FCMR: variants seen among roughly 807,000 people sequenced by gnomAD.
FCMR encodes the protein immunoglobulin mu Fc receptor.
Under a neutral mutation model 41.6 loss-of-function variants are expected in FCMR, and 34 were observed. The observed-to-expected ratio is 0.82, with a 90% CI of 0.62 to 1.09. The LOEUF is 1.09. Ranked by LOEUF, FCMR falls within the 50% of genes least tolerant of loss-of-function variation. The probability of loss-of-function intolerance (pLI) is 0.00; values close to 1 mark genes in which losing one functional copy is unlikely to be tolerated. For missense variants in FCMR, 496 were observed against 512.5 expected (o/e 0.97, Z 0.31); for synonymous variants, 209 against 211.8 (o/e 0.99, Z 0.12).
intron 2 of FCMR, among the ~76,000 whole-genome samples, chr1:206,913,255 T>A (rs1273892697): frequency 1.3e-5 from 2 of 151,978 alleles, no homozygotes; most frequent in Non-Finnish European, 2.9e-5. Context: ...CCAGCAGAGG[T>A]CATTGGGATT....
Position 206,909,419 on chromosome 1 carries a change from C to T in FCMR, c.1044+43G>A, listed in dbSNP as rs2102549580. 1 of 1,187,482 alleles carries T rather than the reference C, an allele frequency of 8.4e-7. No homozygotes were observed. Among genetic ancestry groups the T allele is most frequent in the Non-Finnish European group, 1.1e-6 (1 of 945,542 alleles). 73.6% of individuals were successfully genotyped at this position (1,187,482 alleles called of 1,614,324 possible). A position where few individuals can be genotyped will look rare whatever the true frequency, so the allele number is the denominator to read the frequency against. On this transcript the variant is annotated intron_variant, in intron 7 of 7. Transcript: ENST00000367091. The surrounding 1 kb of genome is among the most constrained non-coding windows in gnomAD (Gnocchi z 5.0). The stretch of plus-strand genomic sequence containing the variant: ...GTCCCCGCCCAGGGCTGGGGCCGCC[C>T]AGTCGGGCCGCGGCTGCCAATCAGG...
Position 206,904,887 on chromosome 1 carries a change from G to T in FCMR, c.*132C>A, listed in dbSNP as rs1678554299. On this transcript the variant is annotated 3_prime_UTR_variant, in exon 8 of 8. Transcript: ENST00000367091. ...CTCAGGGCACAGATAGATGGGGATG[G>T]GAGTCGAGATGGGGCATGGGAAGTG... The T allele has an allele frequency of 1.0e-6, 1 of 965,930 alleles. No individual in the cohort carries two copies. The highest frequency in any genetic ancestry group is 1.5e-5 in the South Asian group (1 of 68,502). The allele number at this position is 965,930 out of a possible 1,614,324, so 59.8% of individuals were successfully genotyped here. A position where few individuals can be genotyped will look rare whatever the true frequency, so the allele number is the denominator to read the frequency against.
At chr1:206,914,658 C>T (rs1215595182) in intron 1 of FCMR, among the ~76,000 whole-genome samples, 1 of 152,018 alleles carries the variant, frequency 6.6e-6, no homozygotes, top group South Asian at 2.1e-4. Flanking sequence ...TTCTCGAACT[C>T]ATGGCCTCAA....
intron 2 of FCMR, 81 bp downstream of exon 2, chr1:206,913,678 T>A: frequency 9.0e-7 from 1 of 1,108,678 alleles, no homozygotes; most frequent in Non-Finnish European, 1.4e-6. Context: ...AGGAGACTGT[T>A]ACAGTTAGAT....
In FCMR at chr1:206,903,342, T is replaced by C. The variant is rs1678473972; in HGVS notation, c.*1677A>G. 8.6e-6 allele frequency: 3 copies of C among 350,156 alleles called. No homozygotes were observed. The highest frequency in any genetic ancestry group is 7.3e-5 in the South Asian group (2 of 27,232). 21.7% of individuals were successfully genotyped at this position (350,156 alleles called of 1,614,324 possible). ...TTTCAACTGAAGTTCTATTTATTTG[T>C]GAGACTGTAAGTTACATGAAGGCAG... On this transcript the variant is annotated 3_prime_UTR_variant, in exon 8 of 8. Transcript: ENST00000367091.
Position 206,909,607 on chromosome 1 carries a change from A to C in FCMR, c.986-87T>G, listed in dbSNP as rs539473682. 9.7e-6 allele frequency: 12 copies of C among 1,235,370 alleles called. No homozygotes were observed. The South Asian group carries it at 1.6e-4, about 16-fold the overall frequency. The allele number at this position is 1,235,370 out of a possible 1,614,324, so 76.5% of individuals were successfully genotyped here. A position where few individuals can be genotyped will look rare whatever the true frequency, so the allele number is the denominator to read the frequency against. On this transcript the variant is annotated intron_variant, in intron 6 of 7. Transcript: ENST00000367091. This position sits in a 1 kb window ranked among gnomAD's most constrained non-coding sequence, Gnocchi z 5.0. ...CTACTCCCAGCTCCACCCCCGCCCC[A>C]CTCCCAGCTCCACCCTGTGGGAAGC...
Position 206,908,754 on chromosome 1 carries a change from C to T in FCMR, c.1044+708G>A, listed in dbSNP as rs183448991. 9.9e-5 allele frequency among the ~76,000 whole-genome samples: 15 copies of T among 152,000 alleles called. No homozygotes were observed. The East Asian group carries it at 2.7e-3, about 27-fold the overall frequency. On this transcript the variant is annotated intron_variant, in intron 7 of 7. Transcript: ENST00000367091. ...AAAAAAACAGGGATTTTTACCACAC[C>T]CTTTTAAAAAAAGCTTTATTCTGGG... is the stretch of plus-strand genomic sequence containing the variant.
intron 1 of FCMR, chr1:206,917,711 C>CCACTTCCT: frequency 2.3e-6 from 1 of 426,008 alleles, no homozygotes; most frequent in Non-Finnish European, 4.6e-6. Flanking sequence ...ACTGCAGCCT[C>CCACTTCCT]CACTTCCTGG....
chr1:206,917,757 G>A (rs1679252580), intron 1 of FCMR: 1 of 450,768 alleles, frequency 2.2e-6, no homozygotes, highest in Admixed American at 2.4e-5. Flanking sequence ...CTCCTGAATA[G>A]CTGAGATCAC....
intron 7 of FCMR, 87 bp from the exon 8 acceptor site, chr1:206,905,234 C>T (rs1678576011): frequency 6.8e-7 from 1 of 1,465,894 alleles, no homozygotes; most frequent in Non-Finnish European, 9.4e-7. Context: ...GGCAATGGGG[C>T]ATGGACATGG....
rs367639865 is a variant in FCMR, at chr1:206,907,347, C to T, written c.1044+2115G>A. 3.0e-3 allele frequency among the ~76,000 whole-genome samples: 464 copies of T among 152,308 alleles called. 3 individuals carry two copies. Among genetic ancestry groups the T allele is most frequent in the African/African-American group, 0.011 (437 of 41,566 alleles). The stretch of plus-strand genomic sequence containing the variant: ...TCTTCCTCCCTCCTGTAAGCTGGGA[C>T]GTGCACACGGTCCTGGTGCCTGTGT... On this transcript the variant is annotated intron_variant, in intron 7 of 7. Transcript: ENST00000367091.
rs1678522725 is a variant in FCMR at position 206,904,297 on chromosome 1, C to CA, written c.*721_*722insT. On this transcript the variant is annotated 3_prime_UTR_variant, in exon 8 of 8. Transcript: ENST00000367091. Reference sequence around the variant, plus strand: ...GCTATGGAAGAAAGATAAAGAGATACTTTTTTTTTTTTTTTTTTAGAGGGG... The same window carrying CA: ...GCTATGGAAGAAAGATAAAGAGATACATTTTTTTTTTTTTTTTTTAGAGGGG... 7.2e-6 allele frequency: 1 copy of CA among 138,172 alleles called. No homozygotes were observed. The highest frequency in any genetic ancestry group is 7.3e-5 in the Admixed American group (1 of 13,762). 8.6% of individuals were successfully genotyped at this position (138,172 alleles called of 1,614,324 possible).
upstream of FCMR, chr1:206,921,959 T>C: frequency 2.0e-6 from 2 of 1,017,196 alleles, no homozygotes; most frequent in South Asian, 2.7e-5. Context: ...GAAAGAGATT[T>C]CTAGCCCCCA....
chr1:206,909,684 C>G lies in FCMR; in HGVS notation c.985+41G>C. The stretch of plus-strand genomic sequence containing the variant: ...GCGCCCGGCTTTCCCGGAGCCAGCG[C>G]ACTCTTTCCGCTACTCCCCGTGGCC... On this transcript the variant is annotated intron_variant, in intron 6 of 7. Coordinates refer to ENST00000367091, the MANE Select transcript of FCMR (RefSeq NM_005449.5). The surrounding 1 kb of genome is among the most constrained non-coding windows in gnomAD (Gnocchi z 5.0). 1.5e-6 allele frequency: 2 copies of G among 1,378,546 alleles called. No individual in the cohort carries two copies. The highest frequency in any genetic ancestry group is 1.7e-5 in the South Asian group (1 of 59,486). 85.4% of individuals were successfully genotyped at this position (1,378,546 alleles called of 1,614,324 possible). A position where few individuals can be genotyped will look rare whatever the true frequency, so the allele number is the denominator to read the frequency against.
intron 7 of FCMR, chr1:206,908,042 C>T (rs1420492340): frequency 1.6e-6 from 2 of 1,225,622 alleles, no homozygotes; most frequent in East Asian, 2.4e-5. Context: ...GAGCGCCTGG[C>T]TCACGATGGT....
chr1:206,909,597 C>T lies in FCMR; in HGVS notation c.986-77G>A. The T allele has an allele frequency of 7.9e-7, 1 of 1,270,870 alleles. No individual in the cohort carries two copies. The highest frequency in any genetic ancestry group is 2.2e-4 in the Middle Eastern group (1 of 4,602). The allele number at this position is 1,270,870 out of a possible 1,614,324, so 78.7% of individuals were successfully genotyped here. A position where few individuals can be genotyped will look rare whatever the true frequency, so the allele number is the denominator to read the frequency against. On this transcript the variant is annotated intron_variant, in intron 6 of 7. Transcript: ENST00000367091. The surrounding 1 kb of genome is among the most constrained non-coding windows in gnomAD (Gnocchi z 5.0). ...CGTCATGCTACTACTCCCAGCTCCA[C>T]CCCCGCCCCACTCCCAGCTCCACCC...
In FCMR at chr1:206,905,014, A is replaced by G. The variant is rs199514439; in HGVS notation, c.*5T>C. On this transcript the variant is annotated 3_prime_UTR_variant, in exon 8 of 8. Transcript: ENST00000367091. The stretch of plus-strand genomic sequence containing the variant: ...GCCTGGGGTTGGGGGATAGCTGGGG[A>G]GTTGTCAGGCAGGAACATTGATGTA... 5.4e-5 allele frequency: 87 copies of G among 1,613,668 alleles called. No homozygotes were observed. Among genetic ancestry groups the G allele is most frequent in the Middle Eastern group, 1.7e-4 (1 of 5,940 alleles).
rs562626124 is a variant in FCMR at position 206,905,485 on chromosome 1, A to G, written c.1045-338T>C. On this transcript the variant is annotated intron_variant, in intron 7 of 7. Transcript: ENST00000367091. The stretch of plus-strand genomic sequence containing the variant: ...GCTGTGACTTATGGCATAAATATGC[A>G]TCTTCTTAGGGAGTTATTCAGAAGT... Among the ~76,000 whole-genome samples the G allele has an allele frequency of 2.6e-5, 4 of 152,314 alleles. No homozygotes were observed. In the South Asian group the frequency reaches 6.2e-4, roughly 24 times the overall value.
At position 206,909,578 on chromosome 1, in the gene FCMR, G is replaced by T. The variant is rs1202875526; in HGVS notation, c.986-58C>A. ...GCCGAGGCTCCCGCCCCACCGTCAT[G>T]CTACTACTCCCAGCTCCACCCCCGC... On this transcript the variant is annotated intron_variant, in intron 6 of 7. Transcript: ENST00000367091. The surrounding 1 kb of genome is among the most constrained non-coding windows in gnomAD (Gnocchi z 5.0). 1.3e-5 allele frequency: 16 copies of T among 1,275,438 alleles called. No individual in the cohort carries two copies. Among genetic ancestry groups the T allele is most frequent in the Non-Finnish European group, 1.4e-5 (14 of 994,628 alleles). The allele number at this position is 1,275,438 out of a possible 1,614,324, so 79.0% of individuals were successfully genotyped here. A position where few individuals can be genotyped will look rare whatever the true frequency, so the allele number is the denominator to read the frequency against.
Sources: allele counts gnomAD v4.1 joint callset (sites outside exome capture counted in the v4.1 genomes callset), GRCh38; gene constraint gnomAD v4.1.1; non-coding constraint Gnocchi (gnomAD v3.1); transcripts MANE v1.5; gene names NCBI Gene and HGNC (gene_info 2026-07-23, HGNC 2026-07-21).